Variants in LRRC43 observed in about 807,000 individuals in gnomAD.
LRRC43 encodes leucine-rich repeat-containing protein 43.
LRRC43 carries 62 observed loss-of-function variants against 64.3 expected under a neutral mutation model. The observed-to-expected ratio is 0.96, with a 90% CI of 0.79 to 1.19. The LOEUF is 1.19. Among genes scored for constraint, LRRC43 ranks in the 50% most tolerant of loss-of-function variants. LRRC43 has a pLI of 0.00. For missense variants in LRRC43, 868 were observed against 845.0 expected (o/e 1.03, Z -0.34); for synonymous variants, 422 against 382.3 (o/e 1.10, Z -1.21).
At chr12:122,182,297 G>A (rs1176936902), upstream of LRRC43, among the ~76,000 whole-genome samples, 1 of 152,082 alleles carries the variant, frequency 6.6e-6, no homozygotes, top group Non-Finnish European at 1.5e-5. Context: ...ACCGAGGTGG[G>A]TGGATCACCT....
chr12:122,193,336 G>C (rs1251124146), intron 7 of LRRC43, among the ~76,000 whole-genome samples: 1 of 139,196 alleles, frequency 7.2e-6, no homozygotes, highest in Non-Finnish European at 1.5e-5. Flanking sequence ...AGCCGAGATC[G>C]TGCCACTGCG....
intron 1 of LRRC43, among the ~76,000 whole-genome samples, chr12:122,174,363 G>C (rs1486243395): frequency 6.6e-6 from 1 of 152,240 alleles, no homozygotes; most frequent in Non-Finnish European, 1.5e-5. Flanking sequence ...CTGAGTGAAA[G>C]GGCTGAATGG....
At chr12:122,203,282 C>G in intron 11 of LRRC43, 33 bp from the exon 12 acceptor site, 1 of 1,603,298 alleles carries the variant, frequency 6.2e-7, no homozygotes, top group South Asian at 1.1e-5. Context: ...CATCCGTCTC[C>G]CGGGGCTCAT....
chr12:122,201,056 T>C (rs1953833519), intron 10 of LRRC43, 122 bp downstream of exon 10: 1 of 1,273,526 alleles, frequency 7.9e-7, no homozygotes, highest in East Asian at 2.4e-5. Flanking sequence ...GGGGAGGGCC[T>C]TTCCCTGGGG....
At chr12:122,175,791 C>T (rs540153750) in intron 1 of LRRC43, among the ~76,000 whole-genome samples, 4 of 151,810 alleles carry the variant, frequency 2.6e-5, no homozygotes, top group African/African-American at 7.2e-5. Flanking sequence ...CTTAGCCTCC[C>T]GAGAAGCTGG....
At chr12:122,187,536 C>A in intron 3 of LRRC43, 165 bp from the exon 4 acceptor site, 1 of 576,630 alleles carries the variant, frequency 1.7e-6, no homozygotes, top group Non-Finnish European at 3.0e-6. Flanking sequence ...CTGCAGGAAT[C>A]TTTTCTTCCT....
chr12:122,191,300 G>C (rs780555518), intron 5 of LRRC43, 80 bp from the exon 6 acceptor site: 1 of 1,248,730 alleles, frequency 8.0e-7, no homozygotes, highest in Admixed American at 2.4e-5. Context: ...CTAGGGACCC[G>C]TGCCTTCCCA....
At chr12:122,190,398 G>A (rs2136044103) in intron 5 of LRRC43, 30 bp downstream of exon 5, 1 of 1,563,268 alleles carries the variant, frequency 6.4e-7, no homozygotes. Context: ...GGGAGGGGGT[G>A]GCATGTGACA....
intron 5 of LRRC43, 23 bp downstream of exon 5, chr12:122,190,391 A>G (rs780556066): frequency 1.3e-6 from 2 of 1,585,434 alleles, no homozygotes; most frequent in Non-Finnish European, 1.7e-6. Context: ...GCATGCAGGG[A>G]GGGGGTGGCA....
chr12:122,169,551 TA>T (rs1488954681), intron 1 of LRRC43, among the ~76,000 whole-genome samples: 3 of 151,650 alleles, frequency 2.0e-5, no homozygotes, highest in African/African-American at 7.3e-5. Flanking sequence ...CCGTCTCTAC[TA>T]AAAATACAAA....
In LRRC43 at chr12:122,192,843, A is replaced by G; in HGVS notation, c.1188A>G (p.Glu396=). Residue 396 remains glutamate, a synonymous_variant, in exon 7 of 12, where the codon GAA becomes GAG. Transcript: ENST00000339777. ...VIEDIVEEVT[E]EVEGSLESEV... ...AAGACATTGTTGAAGAGGTTACTGA[A>G]GAGGTCGAAGGGTCTCTGGAGTCTG... 1.2e-6 allele frequency: 2 copies of G among 1,614,162 alleles called. No homozygotes were observed. Among genetic ancestry groups the G allele is most frequent in the South Asian group, 1.1e-5 (1 of 91,082 alleles).
In LRRC43 at chr12:122,173,862, C is replaced by T. The variant is rs141921768; in HGVS notation, c.-406+6080C>T. ...CACTCACATCTTTCAAAAGCATCTTCGAGAGGGACTGTAATTCCTCGACTA... is the reference window on the plus strand; with the variant it reads ...CACTCACATCTTTCAAAAGCATCTTTGAGAGGGACTGTAATTCCTCGACTA... On this transcript the variant is annotated intron_variant, in intron 1 of 5. Coordinates refer to the LRRC43 transcript ENST00000537729. 112 of 1,613,930 alleles carry T rather than the reference C, an allele frequency of 6.9e-5. No individual in the cohort carries two copies. In the African/African-American group the frequency reaches 1.1e-3, roughly 17 times the overall value.
At chr12:122,194,018 T>G (rs936063782) in intron 7 of LRRC43, among the ~76,000 whole-genome samples, 1 of 152,230 alleles carries the variant, frequency 6.6e-6, no homozygotes, top group Non-Finnish European at 1.5e-5. Flanking sequence ...TACCATGTTC[T>G]TTCTTGCCAG....
At chr12:122,172,377 T>C (rs1953493408) in intron 1 of LRRC43, 1 of 1,497,522 alleles carries the variant, frequency 6.7e-7, no homozygotes, top group African/African-American at 1.4e-5. Flanking sequence ...TTAAGGCTCC[T>C]TAAGTTCCTG....
rs114357090 is a variant in LRRC43 at position 122,186,160 on chromosome 12, C to T, written c.412-30C>T. 5.8e-4 allele frequency: 754 copies of T among 1,300,208 alleles called. 4 individuals carry two copies. In the African/African-American group the frequency reaches 0.01, roughly 18 times the overall value. The allele number at this position is 1,300,208 out of a possible 1,614,324, so 80.5% of individuals were successfully genotyped here. ...TGTGCCCGTGCTCCCTCTCCTGCTA[C>T]AGCCCTCAGCTTCCTCTCCCCTCTT... On this transcript the variant is annotated intron_variant, in intron 2 of 11. Coordinates refer to ENST00000339777, the MANE Select transcript of LRRC43 (RefSeq NM_001098519.2).
chr12:122,183,762 C>G (rs755781539), intron 1 of LRRC43, among the ~76,000 whole-genome samples: 36 of 152,178 alleles, frequency 2.4e-4, no homozygotes, highest in South Asian at 8.3e-4. Flanking sequence ...CCTTCCCTCC[C>G]GTGGCTTCAA....
intron 1 of LRRC43, among the ~76,000 whole-genome samples, chr12:122,171,199 G>T (rs1953482477): frequency 2.0e-5 from 3 of 152,204 alleles, no homozygotes; most frequent in African/African-American, 7.2e-5. Context: ...CCCAACCACT[G>T]CCCGGGGAGG....
chr12:122,190,476 A>G (rs1422592128), intron 5 of LRRC43, 108 bp downstream of exon 5: 1 of 822,740 alleles, frequency 1.2e-6, no homozygotes, highest in African/African-American at 1.7e-5. Context: ...GCAACTCCCC[A>G]TTTGACCCAG....
At chr12:122,179,609 G>T (rs561590449), upstream of LRRC43, among the ~76,000 whole-genome samples, 1 of 151,884 alleles carries the variant, frequency 6.6e-6, no homozygotes, top group East Asian at 1.9e-4. Flanking sequence ...TGGAGCCCTG[G>T]GACATGCTTC....
Sources: allele counts gnomAD v4.1 joint callset (sites outside exome capture counted in the v4.1 genomes callset), GRCh38; gene constraint gnomAD v4.1.1; transcripts MANE v1.5; gene names NCBI Gene and HGNC (gene_info 2026-07-23, HGNC 2026-07-21).